DOCK1: variants seen among roughly 807,000 people sequenced by gnomAD.
The protein encoded by DOCK1 is dedicator of cytokinesis protein 1.
A neutral mutation model predicts 262.7 loss-of-function variants in DOCK1; 138 were observed. That is an observed-to-expected ratio of 0.53 (90% CI 0.46 to 0.61). The LOEUF (loss-of-function observed/expected upper bound fraction) is 0.61, where lower values mean the gene tolerates loss of function less well. DOCK1 is among the 20% of genes least tolerant of loss of function. DOCK1 has a pLI of 0.00. For synonymous variants in DOCK1, 866 were observed against 867.4 expected (o/e 1.00, Z 0.03); for missense variants, 1,908 against 2,370.7 (o/e 0.80, Z 4.05).
At chr10:127,037,644 A>G in intron 18 of DOCK1, 75 bp from the exon 19 acceptor site, 1 of 1,291,904 alleles carries the variant, frequency 7.7e-7, no homozygotes. Context: ...AGAGAACCTC[A>G]CATAATGCAT....
At chr10:127,165,106 A>G (rs186404419) in intron 27 of DOCK1, among the ~76,000 whole-genome samples, 408 of 152,358 alleles carry the variant, frequency 2.7e-3, no homozygotes, top group Non-Finnish European at 4.0e-3. Flanking sequence ...CAGGACTCCC[A>G]TATTTCTTCA....
intron 29 of DOCK1, among the ~76,000 whole-genome samples, chr10:127,305,355 C>G (rs954406402): frequency 3.9e-5 from 6 of 152,138 alleles, no homozygotes; most frequent in African/African-American, 9.7e-5. Flanking sequence ...TCTAGGGGAG[C>G]CTGTCACTGG....
chr10:126,987,765 C>A, intron 5 of DOCK1, 148 bp downstream of exon 5: 1 of 765,254 alleles, frequency 1.3e-6, no homozygotes, highest in East Asian at 2.8e-5. Flanking sequence ...GCAAAGGAAG[C>A]GACATGGCTG....
chr10:127,448,697 C>T (rs868308421), intron 51 of DOCK1, among the ~76,000 whole-genome samples: 1 of 152,064 alleles, frequency 6.6e-6, no homozygotes, highest in African/African-American at 2.4e-5. Context: ...ATTTTTTTTG[C>T]TATCCAGCCT....
intron 29 of DOCK1, among the ~76,000 whole-genome samples, chr10:127,328,993 T>C (rs1168621650): frequency 6.6e-6 from 1 of 151,960 alleles, no homozygotes; most frequent in East Asian, 1.9e-4. Flanking sequence ...ATACATACAT[T>C]ACAAAGTTTG....
chr10:127,443,872 G>A (rs995519193), intron 49 of DOCK1, among the ~76,000 whole-genome samples: 6 of 151,942 alleles, frequency 3.9e-5, no homozygotes, highest in East Asian at 1.9e-4. Context: ...GTTTTGGGGG[G>A]TCTCTGGGGC....
At chr10:127,020,911 G>A (rs1172075250) in intron 13 of DOCK1, among the ~76,000 whole-genome samples, 1 of 152,180 alleles carries the variant, frequency 6.6e-6, no homozygotes. Flanking sequence ...CCAGCGGCCT[G>A]CTCTGCTACT....
intron 29 of DOCK1, among the ~76,000 whole-genome samples, chr10:127,280,026 AT>A (rs1372433652): frequency 3.5e-5 from 5 of 141,666 alleles, no homozygotes; most frequent in African/African-American, 1.0e-4. Context: ...ATATATATAT[AT>A]ATATATAATT....
chr10:127,120,229 G>A (rs1021198881), intron 25 of DOCK1, among the ~76,000 whole-genome samples: 1 of 152,160 alleles, frequency 6.6e-6, no homozygotes, highest in African/African-American at 2.4e-5. Flanking sequence ...CGTGTGACAG[G>A]GTGTCTGATA....
chr10:127,260,968 GGTGTGT>G (rs142673509), intron 29 of DOCK1, among the ~76,000 whole-genome samples: 2 of 79,450 alleles, frequency 2.5e-5, no homozygotes, highest in Non-Finnish European at 4.6e-5. Flanking sequence ...TGTGCATGTG[GGTGTGT>G]GTGTGTGTAC....
chr10:127,025,692 C>T (rs1471678980), intron 15 of DOCK1, among the ~76,000 whole-genome samples: 1 of 152,012 alleles, frequency 6.6e-6, no homozygotes, highest in Non-Finnish European at 1.5e-5. Flanking sequence ...TCAAGTGATC[C>T]ACCCTCCTCG....
At chr10:126,960,837 C>T (rs1239891491) in intron 1 of DOCK1, among the ~76,000 whole-genome samples, 16 of 141,214 alleles carry the variant, frequency 1.1e-4, no homozygotes, top group Admixed American at 2.9e-4. Context: ...TATATCTATA[C>T]GTATAGATAT....
chr10:127,319,113 G>A (rs1441987561), intron 29 of DOCK1, among the ~76,000 whole-genome samples: 2 of 152,218 alleles, frequency 1.3e-5, no homozygotes, highest in Admixed American at 6.5e-5. Flanking sequence ...AAAAGAAAAC[G>A]AAGAAATCAG....
intron 27 of DOCK1, among the ~76,000 whole-genome samples, chr10:127,155,519 G>A (rs757927491): frequency 3.3e-5 from 5 of 152,068 alleles, no homozygotes; most frequent in Admixed American, 2.0e-4. Flanking sequence ...AGGCCATTCC[G>A]TTCTCCCGTT....
chr10:127,129,097 G>A (rs2050149862), intron 27 of DOCK1, among the ~76,000 whole-genome samples: 1 of 152,044 alleles, frequency 6.6e-6, no homozygotes, highest in Non-Finnish European at 1.5e-5. Flanking sequence ...GGAGCACTGG[G>A]GTCCTTTGCG....
chr10:127,090,844 G>GTTTT (rs1209340921), intron 23 of DOCK1, among the ~76,000 whole-genome samples: 1 of 152,162 alleles, frequency 6.6e-6, no homozygotes, highest in African/African-American at 2.4e-5. Flanking sequence ...TGGCTCGGTA[G>GTTTT]TATTCCATTG....
At chr10:127,207,496 G>A (rs867677321) in intron 27 of DOCK1, among the ~76,000 whole-genome samples, 5 of 152,156 alleles carry the variant, frequency 3.3e-5, no homozygotes, top group African/African-American at 1.2e-4. Context: ...AGACTTGGAC[G>A]TACTCTTCCT....
intron 49 of DOCK1, among the ~76,000 whole-genome samples, chr10:127,442,057 C>G (rs1309676081): frequency 6.6e-6 from 1 of 152,182 alleles, no homozygotes; most frequent in Admixed American, 6.5e-5. Context: ...AGCAGTTTTG[C>G]TGCCTGGAAC....
intron 43 of DOCK1, among the ~76,000 whole-genome samples, chr10:127,412,283 A>G (rs1260530905): frequency 1.3e-5 from 2 of 152,130 alleles, no homozygotes; most frequent in Non-Finnish European, 1.5e-5. Context: ...TAAAAATTCT[A>G]CATACAAACT....
Sources: gnomAD v4.1 joint callset for allele counts (sites outside exome capture counted in the v4.1 genomes callset) on GRCh38, gnomAD v4.1.1 for gene constraint, MANE v1.5 for transcripts, NCBI Gene and HGNC (gene_info 2026-07-23, HGNC 2026-07-21) for gene names.